Variants in ERCC6L2 observed in about 807,000 individuals in gnomAD.
ERCC6L2 encodes the protein DNA excision repair protein ERCC-6-like 2.
In ERCC6L2, 77 loss-of-function variants were observed where a neutral mutation model predicts 132.0. The observed-to-expected ratio is 0.58, with a 90% CI of 0.49 to 0.71. The LOEUF (loss-of-function observed/expected upper bound fraction) is 0.71, where lower values mean the gene tolerates loss of function less well. ERCC6L2 is among the 30% of genes least tolerant of loss of function. ERCC6L2 has a pLI of 0.00. For synonymous variants in ERCC6L2, 583 were observed against 632.4 expected (o/e 0.92, Z 1.17); for missense variants, 1,542 against 1,837.6 (o/e 0.84, Z 2.94).
chr9:96,025,490 C>T (rs1834348485), intron 19 of ERCC6L2, among the ~76,000 whole-genome samples: 2 of 152,170 alleles, frequency 1.3e-5, no homozygotes, highest in Non-Finnish European at 2.9e-5. Context: ...CATCCACCTG[C>T]CTTTAGTAGA....
chr9:96,039,426 T>C lies in ERCC6L2; in HGVS notation c.*1755+299T>C, dbSNP rs551443736. Among the ~76,000 whole-genome samples, 6 of 151,242 alleles carry C rather than the reference T, an allele frequency of 4.0e-5. No homozygotes were observed. In the East Asian group the frequency reaches 9.7e-4, roughly 25 times the overall value. ...CTGAGGCGTAGAGAAGAGAGTGGAG[T>C]TTCCTGTTTGAGAGAACGTTTCTGG... is the stretch of plus-strand genomic sequence containing the variant. On this transcript the variant is annotated intron_variant and NMD_transcript_variant, in intron 20 of 20. Coordinates refer to the ERCC6L2 transcript ENST00000670016.
chr9:95,898,817 C>T (rs1056432257), intron 3 of ERCC6L2, among the ~76,000 whole-genome samples: 3 of 152,120 alleles, frequency 2.0e-5, no homozygotes, highest in South Asian at 4.1e-4. Context: ...TCTTGTCTAT[C>T]ATAAAGACCA....
chr9:96,005,848 C>T (rs919857719), intron 18 of ERCC6L2, among the ~76,000 whole-genome samples: 2 of 152,018 alleles, frequency 1.3e-5, no homozygotes, highest in East Asian at 1.9e-4. Flanking sequence ...AGAAGGAACT[C>T]GGTGATGGGG....
intron 4 of ERCC6L2, among the ~76,000 whole-genome samples, chr9:95,911,415 A>AG (rs1381543563): frequency 6.6e-6 from 1 of 152,126 alleles, no homozygotes; most frequent in African/African-American, 2.4e-5. Flanking sequence ...AATGTTTTTT[A>AG]GGTGACTTTT....
At chr9:95,960,319 A>G (rs908566616) in intron 13 of ERCC6L2, among the ~76,000 whole-genome samples, 5 of 152,182 alleles carry the variant, frequency 3.3e-5, no homozygotes, top group African/African-American at 1.2e-4. Flanking sequence ...AAACACTTTG[A>G]AAAAGGCACT....
intron 17 of ERCC6L2, among the ~76,000 whole-genome samples, chr9:95,983,946 G>T (rs113195864): frequency 2.0e-5 from 3 of 151,902 alleles, no homozygotes; most frequent in African/African-American, 7.3e-5. Flanking sequence ...TTGTTCTGGC[G>T]ATTTCAATTT....
chr9:95,944,123 A>C (rs774452886), intron 12 of ERCC6L2, among the ~76,000 whole-genome samples: 3 of 152,228 alleles, frequency 2.0e-5, no homozygotes, highest in African/African-American at 7.2e-5. Context: ...AAGCAACTCA[A>C]ATGTCCATCG....
chr9:95,879,271 C>T (rs1827461848), intron 1 of ERCC6L2, among the ~76,000 whole-genome samples: 1 of 152,278 alleles, frequency 6.6e-6, no homozygotes, highest in Non-Finnish European at 1.5e-5. Context: ...TAATAAGATG[C>T]AGGAAGACTA....
chr9:95,881,511 AAAT>A (rs1653749630), intron 2 of ERCC6L2, among the ~76,000 whole-genome samples: 1 of 152,156 alleles, frequency 6.6e-6, no homozygotes, highest in Non-Finnish European at 1.5e-5. Flanking sequence ...TTTTATTCCA[AAAT>A]AATGTTTTGG....
In ERCC6L2 at chr9:95,875,983, C is replaced by G. The variant is rs1458519696; in HGVS notation, c.-56C>G. The G allele has an allele frequency of 1.9e-6, 3 of 1,549,768 alleles. No homozygotes were observed. The highest frequency in any genetic ancestry group is 1.4e-5 in the African/African-American group (1 of 73,194). On this transcript the variant is annotated 5_prime_UTR_variant, in exon 1 of 19. Coordinates refer to ENST00000653738, the MANE Select transcript of ERCC6L2 (RefSeq NM_020207.7). The stretch of plus-strand genomic sequence containing the variant: ...CCTGCCGGCCAGCCACCTTGCTGTC[C>G]TCCGCCGCCTTCCGGGTGTTACATG...
intron 20 of ERCC6L2, among the ~76,000 whole-genome samples, chr9:96,040,403 G>A (rs1229698523): frequency 6.6e-6 from 1 of 152,194 alleles, no homozygotes; most frequent in African/African-American, 2.4e-5. Context: ...GTCTTCTCAG[G>A]AGGCCCACGG....
Position 95,899,590 on chromosome 9 carries a change from T to TTATATA in ERCC6L2, c.594+1625_594+1630dup, listed in dbSNP as rs150595611. On this transcript the variant is annotated intron_variant, in intron 3 of 18. Transcript: ENST00000653738. ...CTTTCCTTTCTTTCTTTTTTTCTCT[T>TTATATA]TATATATATATGTGTGTGTGTGTGT... is the stretch of plus-strand genomic sequence containing the variant. Among the ~76,000 whole-genome samples, 1,084 of 138,404 alleles carry TTATATA rather than the reference T, an allele frequency of 7.8e-3. 19 individuals are homozygous for TTATATA. The highest frequency in any genetic ancestry group is 0.028 in the African/African-American group (1,003 of 35,606). 90.8% of individuals were successfully genotyped at this position (138,404 alleles called of 152,430 possible). A position where few individuals can be genotyped will look rare whatever the true frequency, so the allele number is the denominator to read the frequency against.
At chr9:95,947,537 A>G (rs1831120803) in intron 12 of ERCC6L2, among the ~76,000 whole-genome samples, 1 of 152,224 alleles carries the variant, frequency 6.6e-6, no homozygotes, top group Non-Finnish European at 1.5e-5. Flanking sequence ...AGCTAAGATC[A>G]TTGTTGAAGG....
chr9:95,927,902 A>G (rs1830169137), intron 9 of ERCC6L2, among the ~76,000 whole-genome samples, 177 bp from the exon 10 acceptor site: 1 of 152,206 alleles, frequency 6.6e-6, no homozygotes, highest in Non-Finnish European at 1.5e-5. Flanking sequence ...ATAACATTTG[A>G]TGTAATAGCT....
In ERCC6L2 at chr9:96,017,428, A is replaced by C. The variant is rs1834205314; in HGVS notation, c.*4225A>C. On this transcript the variant is annotated 3_prime_UTR_variant, in exon 19 of 19. Transcript: ENST00000653738. The stretch of plus-strand genomic sequence containing the variant: ...GATTCGCCCTTCCTTCCCAAGTCCC[A>C]GGCTGTGTGGTTCCCAGCCCCAAGG... Among the ~76,000 whole-genome samples, 1 of 152,116 alleles carries C rather than the reference A, an allele frequency of 6.6e-6. No individual in the cohort carries two copies. Among genetic ancestry groups the C allele is most frequent in the South Asian group, 2.1e-4 (1 of 4,820 alleles).
chr9:96,021,403 G>C (rs965792085), downstream of ERCC6L2: 1 of 280,294 alleles, frequency 3.6e-6, no homozygotes, highest in Admixed American at 5.1e-5. This position sits in a 1 kb window ranked among gnomAD's most constrained non-coding sequence, Gnocchi z 4.7. Flanking sequence ...AGGGAGCGAG[G>C]GGCGGTCCTG....
chr9:95,897,847 A>T lies in ERCC6L2; in HGVS notation c.472-2A>T. 1 of 1,611,618 alleles carries T rather than the reference A, an allele frequency of 6.2e-7. No individual in the cohort carries two copies. Among genetic ancestry groups the T allele is most frequent in the African/African-American group, 1.3e-5 (1 of 74,820 alleles). On this transcript the variant is annotated splice_acceptor_variant, in intron 2 of 18. Transcript: ENST00000653738. LOFTEE classifies it high-confidence loss of function. ...GTGATTGAAAAAGTCTTTTTTCCCC[A>T]GGTTATTTCATTTCTGGCTGCAGTT...
intron 17 of ERCC6L2, among the ~76,000 whole-genome samples, chr9:95,983,817 A>C (rs981483595): frequency 1.1e-4 from 16 of 152,198 alleles, no homozygotes; most frequent in Non-Finnish European, 2.2e-4. Context: ...TGAAAATAAG[A>C]GGATAAGTAA....
At chr9:95,988,725 G>C (rs557719949) in intron 17 of ERCC6L2, among the ~76,000 whole-genome samples, 5 of 152,304 alleles carry the variant, frequency 3.3e-5, no homozygotes, top group African/African-American at 9.6e-5. Context: ...AACTGTGTGG[G>C]GGATTTTCCC....
Sources: allele counts gnomAD v4.1 joint callset (sites outside exome capture counted in the v4.1 genomes callset), GRCh38; gene constraint gnomAD v4.1.1; non-coding constraint Gnocchi (gnomAD v3.1); transcripts MANE v1.5; gene names NCBI Gene and HGNC (gene_info 2026-07-23, HGNC 2026-07-21).